Variants in COL23A1 observed in about 807,000 individuals in gnomAD.
COL23A1 encodes collagen type XXIII alpha 1 chain.
Under a neutral mutation model 99.3 loss-of-function variants are expected in COL23A1, and 97 were observed. The ratio of observed to expected loss-of-function variants is 0.98; its 90% CI spans 0.83 to 1.16. The LOEUF is 1.16. COL23A1 is among the 50% of genes most tolerant of loss of function. The pLI, the probability that COL23A1 is intolerant of heterozygous loss-of-function variation, is 0.00. For synonymous variants in COL23A1, 320 were observed against 308.2 expected (o/e 1.04, Z -0.40); for missense variants, 762 against 757.4 (o/e 1.01, Z -0.07).
chr5:178,576,705 G>C (rs1416526512), intron 1 of COL23A1, among the ~76,000 whole-genome samples: 5 of 152,058 alleles, frequency 3.3e-5, no homozygotes, highest in Admixed American at 6.5e-5. Context: ...CCACGGCCGC[G>C]GTCTCCTCCC....
chr5:178,508,483 A>G (rs750015008), intron 2 of COL23A1, among the ~76,000 whole-genome samples: 25 of 152,142 alleles, frequency 1.6e-4, no homozygotes, highest in African/African-American at 6.0e-4. Context: ...TGTTTAATCT[A>G]TCTTAGCCAG....
chr5:178,411,646 G>A (rs1416417026), intron 2 of COL23A1, among the ~76,000 whole-genome samples: 1 of 152,214 alleles, frequency 6.6e-6, no homozygotes, highest in African/African-American at 2.4e-5. Flanking sequence ...AATGGGGGAT[G>A]AATGACTGCT....
In COL23A1 at chr5:178,249,006, C is replaced by T. The variant is rs1030243001; in HGVS notation, c.1149+111G>A. On this transcript the variant is annotated intron_variant, in intron 19 of 28. Transcript: ENST00000390654. ...TCCCCGGCCGGCTGGGCACTGAGACCGCAGGGGCTGTCAGGGTCACGCCCT... is the reference window on the plus strand; with the variant it reads ...TCCCCGGCCGGCTGGGCACTGAGACTGCAGGGGCTGTCAGGGTCACGCCCT... 7.5e-5 allele frequency: 81 copies of T among 1,076,846 alleles called. No homozygotes were observed. The African/African-American group carries it at 8.0e-4, about 11-fold the overall frequency. The allele number at this position is 1,076,846 out of a possible 1,614,324, so 66.7% of individuals were successfully genotyped here.
intron 5 of COL23A1, among the ~76,000 whole-genome samples, chr5:178,287,512 G>A (rs547530322): frequency 6.6e-6 from 1 of 152,240 alleles, no homozygotes; most frequent in East Asian, 1.9e-4. Context: ...CCCACGTCAA[G>A]TCTCCCTGGT....
intron 3 of COL23A1, among the ~76,000 whole-genome samples, chr5:178,303,873 G>A (rs956609175): frequency 3.3e-5 from 5 of 152,232 alleles, no homozygotes; most frequent in African/African-American, 4.8e-5. Context: ...GAAGCGCTGA[G>A]ATGGAGGGAG....
chr5:178,280,260 C>A lies in COL23A1; in HGVS notation c.441+8064G>T, dbSNP rs1258899385. ...GGACGCTGGCCATTGAGGATGCAGG[C>A]CCAAAAGGGGCGCCTTCAGCCTCAC... On this transcript the variant is annotated intron_variant, in intron 5 of 28. Coordinates refer to ENST00000390654, the MANE Select transcript of COL23A1 (RefSeq NM_173465.4). This position sits in a 1 kb window ranked among gnomAD's most constrained non-coding sequence, Gnocchi z 4.9. Among the ~76,000 whole-genome samples, 1 of 152,238 alleles carries A rather than the reference C, an allele frequency of 6.6e-6. No individual in the cohort carries two copies. The highest frequency in any genetic ancestry group is 2.4e-5 in the African/African-American group (1 of 41,466).
rs189730005 is a variant in COL23A1, at chr5:178,309,319, G to C, written c.362-2400C>G. Among the ~76,000 whole-genome samples the C allele has an allele frequency of 4.6e-5, 7 of 152,258 alleles. No individual in the cohort carries two copies. In the East Asian group the frequency reaches 1.4e-3, roughly 29 times the overall value. On this transcript the variant is annotated intron_variant, in intron 2 of 28. Transcript: ENST00000390654. The surrounding 1 kb of genome is among the most constrained non-coding windows in gnomAD (Gnocchi z 4.7). ...GGCAGGGTAGGGTGCCTGCCTCCCA[G>C]GGTCACTGGGCGATGCCCCCTGCAG...
chr5:178,344,546 A>G (rs2127667512), intron 2 of COL23A1, among the ~76,000 whole-genome samples: 1 of 152,286 alleles, frequency 6.6e-6, no homozygotes, highest in African/African-American at 2.4e-5. Flanking sequence ...CTGAGGCAGG[A>G]CAACCAGAAT....
intron 5 of COL23A1, among the ~76,000 whole-genome samples, chr5:178,285,520 A>G (rs1757104947): frequency 6.6e-6 from 1 of 152,232 alleles, no homozygotes; most frequent in Non-Finnish European, 1.5e-5. Context: ...TCTGAAACCC[A>G]TCTTTTCTTC....
At chr5:178,575,990 A>G (rs1763332575) in intron 1 of COL23A1, among the ~76,000 whole-genome samples, 4 of 152,074 alleles carry the variant, frequency 2.6e-5, no homozygotes, top group African/African-American at 7.2e-5. Flanking sequence ...TAAAAACCCA[A>G]CTCAAATTGG....
Position 178,258,262 on chromosome 5 carries a change from T to TATATATATATATATATATATACACACAC in COL23A1, c.730-696_730-695insGTGTGTGTATATATATATATATATATAT. ...ATATATATATATATATATATATATA[T>TATATATATATATATATATATACACACAC]ACACATGCAAATCAATTCTAGGCAC... On this transcript the variant is annotated intron_variant, in intron 12 of 28. Transcript: ENST00000390654. Among the ~76,000 whole-genome samples the TATATATATATATATATATATACACACAC allele has an allele frequency of 5.8e-5, 6 of 104,126 alleles. No homozygotes were observed. In the South Asian group the frequency reaches 1.2e-3, roughly 20 times the overall value. The allele number at this position is 104,126 out of a possible 152,430, so 68.3% of individuals were successfully genotyped here. A position where few individuals can be genotyped will look rare whatever the true frequency, so the allele number is the denominator to read the frequency against.
At chr5:178,533,104 T>A (rs1277778278) in intron 2 of COL23A1, among the ~76,000 whole-genome samples, 3 of 152,174 alleles carry the variant, frequency 2.0e-5, no homozygotes, top group Non-Finnish European at 2.9e-5. Flanking sequence ...CAGGGGATTC[T>A]AAGGAAAAAT....
chr5:178,527,309 G>A (rs1268573316), intron 2 of COL23A1, among the ~76,000 whole-genome samples: 3 of 152,316 alleles, frequency 2.0e-5, no homozygotes, highest in East Asian at 3.9e-4. Flanking sequence ...TGGGGTGAAG[G>A]AGCCGGGGTC....
chr5:178,522,858 TAAG>T (rs1760027517), intron 2 of COL23A1, among the ~76,000 whole-genome samples: 1 of 152,062 alleles, frequency 6.6e-6, no homozygotes, highest in Non-Finnish European at 1.5e-5. Context: ...CAGTCTCTGA[TAAG>T]AAGATCCACC....
rs1240015055 is a variant in COL23A1, at chr5:178,589,730, C to A, written c.294+174G>T. Among the ~76,000 whole-genome samples, 3 of 152,152 alleles carry A rather than the reference C, an allele frequency of 2.0e-5. No homozygotes were observed. The highest frequency in any genetic ancestry group is 7.2e-5 in the African/African-American group (3 of 41,450). On this transcript the variant is annotated intron_variant, in intron 1 of 28. Transcript: ENST00000390654. The surrounding 1 kb of genome is among the most constrained non-coding windows in gnomAD (Gnocchi z 5.4). ...ACCGCAAAACCCCTTGGGGCCGGCACCCCCTGCCTCCGCCTTGGCGCAGAC... is the reference window on the plus strand; with the variant it reads ...ACCGCAAAACCCCTTGGGGCCGGCAACCCCTGCCTCCGCCTTGGCGCAGAC...
At chr5:178,241,462 C>T (rs1182851581) in intron 27 of COL23A1, among the ~76,000 whole-genome samples, 2 of 152,066 alleles carry the variant, frequency 1.3e-5, no homozygotes, top group Admixed American at 6.6e-5. Context: ...TCAGGGTGGT[C>T]CCACCGTCTG....
intron 5 of COL23A1, among the ~76,000 whole-genome samples, chr5:178,275,611 T>C (rs553465956): frequency 8.5e-5 from 13 of 152,274 alleles, no homozygotes; most frequent in South Asian, 6.2e-4. Context: ...TTCTCGGAAC[T>C]GTTTTCCTGC....
At chr5:178,421,253 A>G (rs905087529) in intron 2 of COL23A1, among the ~76,000 whole-genome samples, 5 of 152,174 alleles carry the variant, frequency 3.3e-5, no homozygotes, top group African/African-American at 1.2e-4. Context: ...ATATTTCTCT[A>G]TAGGAGAAGA....
At chr5:178,275,547 C>A (rs1037892547) in intron 5 of COL23A1, among the ~76,000 whole-genome samples, 2 of 152,148 alleles carry the variant, frequency 1.3e-5, no homozygotes, top group Non-Finnish European at 2.9e-5. Context: ...CAAAAATAAA[C>A]CAAGCTTGTG....
Sources: allele counts gnomAD v4.1 joint callset (sites outside exome capture counted in the v4.1 genomes callset), GRCh38; gene constraint gnomAD v4.1.1; non-coding constraint Gnocchi (gnomAD v3.1); transcripts MANE v1.5; gene names NCBI Gene and HGNC (gene_info 2026-07-23, HGNC 2026-07-21).